The following MEIOB variants were observed in gnomAD, a reference collection of about 807,000 sequenced individuals.
MEIOB encodes the protein meiosis-specific with OB domain-containing protein.
In MEIOB, 50 loss-of-function variants were observed where a neutral mutation model predicts 53.1. That is an observed-to-expected ratio of 0.94 (90% confidence interval 0.75 to 1.19). The LOEUF is 1.19. MEIOB is among the 50% of genes most tolerant of loss of function. The pLI, the probability that MEIOB is intolerant of heterozygous loss-of-function variation, is 0.00. For synonymous variants in MEIOB, 192 were observed against 182.5 expected (o/e 1.05, Z -0.42); for missense variants, 551 against 550.8 (o/e 1.00, Z 0.00).
At chr16:1,842,944 G>C (rs1273519398) in intron 10 of MEIOB, among the ~76,000 whole-genome samples, 1 of 148,300 alleles carries the variant, frequency 6.7e-6, no homozygotes, top group Non-Finnish European at 1.5e-5. Flanking sequence ...TTACAGGCGT[G>C]AGCCACCGCG....
At chr16:1,862,839 ACC>A (rs1202746883) in intron 3 of MEIOB, among the ~76,000 whole-genome samples, 2 of 151,558 alleles carry the variant, frequency 1.3e-5, no homozygotes, top group Non-Finnish European at 2.9e-5. Context: ...AATCGCTTGA[ACC>A]CAGGAGGCGG....
At chr16:1,871,270 A>G (rs1283437237) in intron 1 of MEIOB, among the ~76,000 whole-genome samples, 1 of 150,202 alleles carries the variant, frequency 6.7e-6, no homozygotes, top group Admixed American at 6.7e-5. Flanking sequence ...CCCAGGCTGG[A>G]GCGCAGTGGC....
intron 5 of MEIOB, 65 bp from the exon 6 acceptor site, chr16:1,857,995 T>A: frequency 9.4e-7 from 1 of 1,061,934 alleles, no homozygotes; most frequent in Non-Finnish European, 1.4e-6. Flanking sequence ...TATTTCCAGG[T>A]CCACATTTAA....
intron 13 of MEIOB, among the ~76,000 whole-genome samples, chr16:1,835,120 T>C (rs1363281303): frequency 6.6e-6 from 1 of 151,950 alleles, no homozygotes; most frequent in Non-Finnish European, 1.5e-5. Context: ...CCAGGTGTGG[T>C]GGTGCACACC....
At chr16:1,858,628 G>C (rs1344168282) in intron 5 of MEIOB, among the ~76,000 whole-genome samples, 1 of 152,092 alleles carries the variant, frequency 6.6e-6, no homozygotes, top group Non-Finnish European at 1.5e-5. Context: ...CCAGCTCAAA[G>C]ACCATCATTG....
Position 1,853,256 on chromosome 16 carries a change from G to A in MEIOB, c.645C>T (p.Ser215=), listed in dbSNP as rs746380968. ...GCATCCAGCTCTGTGCAAGTAGAAT[G>A]GATTCATTATCCCAACTGCATTTGT... ...SFAMTCWDNE[S]ILLAQSWMPR... is the part of the protein sequence containing the mutation. The change falls in exon 8 of 14, where the codon TCC becomes TCT. Residue 215 remains serine, a synonymous_variant. Coordinates refer to ENST00000325962, the MANE Select transcript of MEIOB (RefSeq NM_001163560.3). 1 of 1,549,812 alleles carries A rather than the reference G, an allele frequency of 6.5e-7. No homozygotes were observed. Among genetic ancestry groups the A allele is most frequent in the Non-Finnish European group, 8.7e-7 (1 of 1,145,016 alleles).
At chr16:1,841,698 A>G in intron 11 of MEIOB, 122 bp downstream of exon 11, 1 of 577,134 alleles carries the variant, frequency 1.7e-6, no homozygotes, top group Non-Finnish European at 2.7e-6. Context: ...TTACACATTT[A>G]TCTCCAATAC....
rs869208139 is a variant in MEIOB at position 1,867,462 on chromosome 16, ATTT to A, written c.69+642_69+644del. 4.1e-3 allele frequency among the ~76,000 whole-genome samples: 419 copies of A among 102,906 alleles called. 13 individuals carry two copies. In the East Asian group the frequency reaches 0.077, roughly 19 times the overall value. 67.5% of individuals were successfully genotyped at this position (102,906 alleles called of 152,430 possible). A position where few individuals can be genotyped will look rare whatever the true frequency, so the allele number is the denominator to read the frequency against. ...TGCTACTGCTGAACAAAATGGTTTA[ATTT>A]TTTTTTTTTTTTTTTTTTTTTTTTT... On this transcript the variant is annotated intron_variant, in intron 2 of 13. Coordinates refer to ENST00000325962, the MANE Select transcript of MEIOB (RefSeq NM_001163560.3).
chr16:1,841,558 A>G (rs1199308058), intron 11 of MEIOB, among the ~76,000 whole-genome samples: 1 of 152,226 alleles, frequency 6.6e-6, no homozygotes, highest in East Asian at 1.9e-4. Context: ...CCAAATCATT[A>G]GACAAGTTTG....
At chr16:1,855,324 C>T (rs1032585788) in intron 6 of MEIOB, among the ~76,000 whole-genome samples, 6 of 151,888 alleles carry the variant, frequency 4.0e-5, no homozygotes, top group Admixed American at 3.3e-4. Context: ...CCTGGCTACT[C>T]GGGAGGCTGA....
chr16:1,860,257 A>G, intron 5 of MEIOB, 146 bp downstream of exon 5: 2 of 504,330 alleles, frequency 4.0e-6, no homozygotes, highest in Non-Finnish European at 6.9e-6. Flanking sequence ...TGTCATAATC[A>G]AAGATGAATT....
chr16:1,842,711 G>A (rs1192169223), intron 10 of MEIOB, among the ~76,000 whole-genome samples: 2 of 150,590 alleles, frequency 1.3e-5, no homozygotes, highest in Admixed American at 6.6e-5. Context: ...TCGCCCAGGC[G>A]GTAGTGCAGT....
chr16:1,863,725 CAAA>C (rs5815103), intron 3 of MEIOB, among the ~76,000 whole-genome samples: 1 of 147,364 alleles, frequency 6.8e-6, no homozygotes, highest in Non-Finnish European at 1.5e-5. Context: ...GACCCTGTCT[CAAA>C]AAAAAAAAAA....
intron 9 of MEIOB, among the ~76,000 whole-genome samples, chr16:1,846,100 G>T (rs62038435): frequency 0.18 from 26,643 of 152,050 alleles, 2,474 homozygotes; most frequent in South Asian, 0.26. Flanking sequence ...TTCCAGAAAT[G>T]TATATTATCT....
chr16:1,862,687 G>A (rs1324491826), intron 3 of MEIOB, among the ~76,000 whole-genome samples: 2 of 151,998 alleles, frequency 1.3e-5, no homozygotes, highest in African/African-American at 4.8e-5. Context: ...TTGGGAGCCC[G>A]AGGCGGGTGG....
intron 12 of MEIOB, among the ~76,000 whole-genome samples, chr16:1,838,712 A>C (rs1202218780): frequency 6.6e-6 from 1 of 151,654 alleles, no homozygotes; most frequent in Non-Finnish European, 1.5e-5. Flanking sequence ...AATTATTTGG[A>C]GACAAGTCTT....
chr16:1,852,451 C>T, intron 9 of MEIOB, among the ~76,000 whole-genome samples: 1 of 151,754 alleles, frequency 6.6e-6, no homozygotes, highest in Non-Finnish European at 1.5e-5. Context: ...TTAGTAGAAA[C>T]AGGGTTTCAC....
At chr16:1,852,345 C>A (rs1899194765) in intron 9 of MEIOB, among the ~76,000 whole-genome samples, 1 of 150,228 alleles carries the variant, frequency 6.7e-6, no homozygotes, top group African/African-American at 2.5e-5. Context: ...TCACTGCAAC[C>A]TCCACCTCCT....
intron 5 of MEIOB, among the ~76,000 whole-genome samples, chr16:1,858,593 A>G (rs1899365877): frequency 6.6e-6 from 1 of 152,094 alleles, no homozygotes; most frequent in Non-Finnish European, 1.5e-5. Context: ...ATCTTCCTAA[A>G]CCACAAATAT....
Sources: gnomAD v4.1 joint callset for allele counts (sites outside exome capture counted in the v4.1 genomes callset) on GRCh38, gnomAD v4.1.1 for gene constraint, MANE v1.5 for transcripts, NCBI Gene and HGNC (gene_info 2026-07-23, HGNC 2026-07-21) for gene names.